KIAA0825: variants seen among roughly 807,000 people sequenced by gnomAD.
KIAA0825 encodes uncharacterized protein KIAA0825.
In KIAA0825, 119 loss-of-function variants were observed where a neutral mutation model predicts 147.6. The observed-to-expected ratio is 0.81, with a 90% CI of 0.69 to 0.94. The LOEUF is 0.94. KIAA0825 is among the 40% of genes least tolerant of loss of function. KIAA0825 has a pLI of 0.00. For synonymous variants in KIAA0825, 470 were observed against 518.1 expected (o/e 0.91, Z 1.26); for missense variants, 1,381 against 1,472.7 (o/e 0.94, Z 1.02).
chr5:94,540,329 C>A (rs190808395), intron 2 of KIAA0825, among the ~76,000 whole-genome samples: 40 of 152,232 alleles, frequency 2.6e-4, no homozygotes, highest in Admixed American at 7.8e-4. Flanking sequence ...CCTTGTAAGC[C>A]CACTTTTCAA....
chr5:94,464,279 G>T (rs1410318209), intron 11 of KIAA0825, among the ~76,000 whole-genome samples: 2 of 152,140 alleles, frequency 1.3e-5, no homozygotes, highest in Non-Finnish European at 2.9e-5. Context: ...AATTGTACTA[G>T]AATTCAGTCT....
At chr5:94,372,394 C>G (rs1357906702) in intron 20 of KIAA0825, among the ~76,000 whole-genome samples, 1 of 152,236 alleles carries the variant, frequency 6.6e-6, no homozygotes, top group Non-Finnish European at 1.5e-5. Context: ...CAAACTTCTG[C>G]CTGACATCCA....
chr5:94,387,895 G>A lies in KIAA0825; in HGVS notation c.3457-1491C>T, dbSNP rs183392538. 3.5e-3 allele frequency among the ~76,000 whole-genome samples: 535 copies of A among 152,036 alleles called. 1 individual carries two copies. The highest frequency in any genetic ancestry group is 5.7e-3 in the Non-Finnish European group (390 of 67,956). ...TTTTTCTGTGCCTCTATAACTTTAG[G>A]AATGCCCACTGTGTTCATCATGAGA... is the stretch of plus-strand genomic sequence containing the variant. On this transcript the variant is annotated intron_variant, in intron 18 of 20. Coordinates refer to ENST00000682413, the MANE Select transcript of KIAA0825 (RefSeq NM_001145678.3).
intron 2 of KIAA0825, among the ~76,000 whole-genome samples, chr5:94,542,375 AC>A (rs1483074123): frequency 6.6e-6 from 1 of 152,234 alleles, no homozygotes; most frequent in African/African-American, 2.4e-5. Context: ...ATAGCTTTAA[AC>A]AATTGAGTAA....
intron 2 of KIAA0825, among the ~76,000 whole-genome samples, chr5:94,575,457 C>G (rs1002085202): frequency 6.6e-6 from 1 of 152,072 alleles, no homozygotes; most frequent in Non-Finnish European, 1.5e-5. Flanking sequence ...TCAGAGAAAA[C>G]CAGGCCGCTG....
chr5:94,247,214 GA>G (rs1425694437), intron 20 of KIAA0825, among the ~76,000 whole-genome samples: 1 of 152,078 alleles, frequency 6.6e-6, no homozygotes, highest in East Asian at 1.9e-4. Context: ...AGTTATCTTT[GA>G]ATGTGGTAGT....
At chr5:94,504,363 G>T (rs1253684906) in intron 5 of KIAA0825, among the ~76,000 whole-genome samples, 1 of 152,130 alleles carries the variant, frequency 6.6e-6, no homozygotes, top group Non-Finnish European at 1.5e-5. Flanking sequence ...GATCAAAGCA[G>T]CCATGATAGT....
chr5:94,329,256 C>T (rs1032518765), intron 20 of KIAA0825, among the ~76,000 whole-genome samples: 10 of 151,934 alleles, frequency 6.6e-5, no homozygotes, highest in African/African-American at 1.9e-4. Context: ...GCACTGAAAG[C>T]GATCCAACAT....
intron 20 of KIAA0825, among the ~76,000 whole-genome samples, chr5:94,308,378 A>G (rs1778880096): frequency 6.6e-6 from 1 of 151,738 alleles, no homozygotes; most frequent in African/African-American, 2.4e-5. Context: ...TTCATCTCTC[A>G]AGGAGCTCTC....
chr5:94,400,634 A>C (rs1457486694), intron 16 of KIAA0825, among the ~76,000 whole-genome samples: 1 of 152,206 alleles, frequency 6.6e-6, no homozygotes, highest in African/African-American at 2.4e-5. Context: ...ATATCTTCTC[A>C]GGTATATCTT....
At chr5:94,443,720 A>G (rs1757394308) in intron 13 of KIAA0825, among the ~76,000 whole-genome samples, 1 of 152,196 alleles carries the variant, frequency 6.6e-6, no homozygotes, top group African/African-American at 2.4e-5. Context: ...ATTTTTTGGT[A>G]TGTACTCATG....
chr5:94,348,431 G>A lies in KIAA0825; in HGVS notation c.3710+35937C>T, dbSNP rs140091658. Among the ~76,000 whole-genome samples, 876 of 152,272 alleles carry A rather than the reference G, an allele frequency of 5.8e-3. 8 individuals carry two copies. Among genetic ancestry groups the A allele is most frequent in the African/African-American group, 0.02 (830 of 41,544 alleles). ...TAACCTTTAAAGGAAAAACCTATCCGATTAATAGCAGATTTCTCAGCAGAA... is the reference window on the plus strand; with the variant it reads ...TAACCTTTAAAGGAAAAACCTATCCAATTAATAGCAGATTTCTCAGCAGAA... On this transcript the variant is annotated intron_variant, in intron 20 of 20. Transcript: ENST00000682413.
At chr5:94,287,088 T>A (rs2150160869) in intron 20 of KIAA0825, among the ~76,000 whole-genome samples, 1 of 152,302 alleles carries the variant, frequency 6.6e-6, no homozygotes, top group South Asian at 2.1e-4. Context: ...ATAGGGATAA[T>A]AATACCTGTA....
At chr5:94,471,789 TA>T in intron 8 of KIAA0825, 58 bp from the exon 9 acceptor site, 2 of 1,492,182 alleles carry the variant, frequency 1.3e-6, no homozygotes, top group Non-Finnish European at 1.8e-6. Context: ...CCAAGTAATT[TA>T]TGGACAGTGG....
intron 20 of KIAA0825, among the ~76,000 whole-genome samples, chr5:94,207,891 A>G (rs1292781508): frequency 2.0e-5 from 3 of 152,320 alleles, no homozygotes; most frequent in Non-Finnish European, 4.4e-5. Context: ...ATATTGGGAT[A>G]TAAGATATTA....
chr5:94,185,216 A>G (rs1300951865), intron 20 of KIAA0825, among the ~76,000 whole-genome samples: 1 of 152,142 alleles, frequency 6.6e-6, no homozygotes, highest in Non-Finnish European at 1.5e-5. Context: ...TGGGACTTGT[A>G]ATTTATTGGA....
intron 16 of KIAA0825, among the ~76,000 whole-genome samples, chr5:94,402,095 T>G (rs536835884): frequency 1.2e-4 from 19 of 152,312 alleles, no homozygotes; most frequent in Non-Finnish European, 2.2e-4. Context: ...GATCTGACAT[T>G]CCTTCATGGT....
At chr5:94,414,189 A>G (rs1753124959) in intron 15 of KIAA0825, 1 of 152,232 alleles carries the variant, frequency 6.6e-6, no homozygotes, top group Non-Finnish European at 1.5e-5. Flanking sequence ...ACTGATTCAG[A>G]AAACAAAAGT....
intron 19 of KIAA0825, 86 bp from the exon 20 acceptor site, chr5:94,384,544 G>T: frequency 4.8e-6 from 5 of 1,050,410 alleles, no homozygotes; most frequent in South Asian, 1.4e-5. Context: ...AGCTGTGATA[G>T]ACTAACTAAG....
Sources: allele counts gnomAD v4.1 joint callset (sites outside exome capture counted in the v4.1 genomes callset), GRCh38; gene constraint gnomAD v4.1.1; transcripts MANE v1.5; gene names NCBI Gene and HGNC (gene_info 2026-07-23, HGNC 2026-07-21).